The following UMAD1 variants were observed in gnomAD, a reference collection of about 807,000 sequenced individuals.
The protein encoded by UMAD1 is UBAP1-MVB12-associated (UMA)-domain containing protein 1.
In UMAD1, 8 loss-of-function variants were observed where a neutral mutation model predicts 6.1. That is an observed-to-expected ratio of 1.30 (90% confidence interval 0.76 to 2.35). The LOEUF (loss-of-function observed/expected upper bound fraction) is 2.35, where lower values mean the gene tolerates loss of function less well. Ranked by LOEUF, UMAD1 falls within the 30% of genes most tolerant of loss-of-function variation. The pLI, the probability that UMAD1 is intolerant of heterozygous loss-of-function variation, is 0.00. For synonymous variants in UMAD1, 56 were observed against 31.4 expected (o/e 1.78, Z -2.61); for missense variants, 130 against 78.4 (o/e 1.66, Z -2.49).
intron 2 of UMAD1, among the ~76,000 whole-genome samples, chr7:7,753,492 T>G (rs1037110929): frequency 1.3e-5 from 2 of 152,202 alleles, no homozygotes; most frequent in Non-Finnish European, 2.9e-5. Flanking sequence ...GTTTTGATTT[T>G]GAGATCCCAC....
chr7:7,723,642 A>C (rs2115185594), intron 2 of UMAD1, among the ~76,000 whole-genome samples: 2 of 152,296 alleles, frequency 1.3e-5, no homozygotes, highest in Middle Eastern at 6.8e-3. Context: ...AGAGCCCGAT[A>C]ATTGCTCTTC....
chr7:7,759,998 A>C (rs1781852610), intron 2 of UMAD1, among the ~76,000 whole-genome samples: 1 of 152,154 alleles, frequency 6.6e-6, no homozygotes, highest in Non-Finnish European at 1.5e-5. Flanking sequence ...TGACTGCCTC[A>C]GTCAATAGAA....
chr7:7,696,265 C>A (rs933519299), intron 2 of UMAD1, among the ~76,000 whole-genome samples: 1 of 150,818 alleles, frequency 6.6e-6, no homozygotes, highest in Non-Finnish European at 1.5e-5. Context: ...AAGACTCACT[C>A]TTTTAGCCAA....
At chr7:7,863,162 A>G (rs548907354) in intron 3 of UMAD1, among the ~76,000 whole-genome samples, 1 of 152,226 alleles carries the variant, frequency 6.6e-6, no homozygotes, top group African/African-American at 2.4e-5. Flanking sequence ...GACTTGGAGT[A>G]TGGGACAGGG....
At chr7:7,787,710 C>T (rs1204493289) in intron 2 of UMAD1, among the ~76,000 whole-genome samples, 1 of 152,130 alleles carries the variant, frequency 6.6e-6, no homozygotes, top group Non-Finnish European at 1.5e-5. Context: ...ACTATTGACT[C>T]CTTGCCCTGT....
chr7:7,767,728 T>C, intron 2 of UMAD1, among the ~76,000 whole-genome samples: 1 of 152,200 alleles, frequency 6.6e-6, no homozygotes, highest in East Asian at 1.9e-4. Flanking sequence ...AATAATTCTT[T>C]GAGGTAGATA....
chr7:7,822,114 C>CT (rs1283017847), intron 3 of UMAD1, among the ~76,000 whole-genome samples: 1 of 152,064 alleles, frequency 6.6e-6, no homozygotes, highest in African/African-American at 2.4e-5. Flanking sequence ...ATCAGCCTCT[C>CT]TTTTCCAGGG....
chr7:7,649,158 C>CAAAAAAAAAAAAAA (rs34943326), intron 1 of UMAD1, among the ~76,000 whole-genome samples: 2 of 128,872 alleles, frequency 1.6e-5, no homozygotes, highest in Non-Finnish European at 1.6e-5. Flanking sequence ...GACTCCATCT[C>CAAAAAAAAAAAAAA]AAAAAAAAAA....
At chr7:7,641,844 T>G (rs1784980608) in intron 1 of UMAD1, 1 of 152,212 alleles carries the variant, frequency 6.6e-6, no homozygotes, top group Admixed American at 6.5e-5. Context: ...AGACTTCACG[T>G]GGCAATTTAA....
intron 3 of UMAD1, among the ~76,000 whole-genome samples, chr7:7,803,202 G>A (rs190849824): frequency 4.7e-4 from 71 of 152,376 alleles, no homozygotes; most frequent in Middle Eastern, 3.4e-3. Flanking sequence ...GAGGCTGGGC[G>A]TAGTGGCCCA....
At chr7:7,689,614 G>A (rs1468959431) in intron 2 of UMAD1, among the ~76,000 whole-genome samples, 2 of 152,080 alleles carry the variant, frequency 1.3e-5, no homozygotes. Flanking sequence ...TGTTTTTCAT[G>A]CCCAGACTTC....
chr7:7,769,592 T>C (rs538360262), intron 2 of UMAD1, among the ~76,000 whole-genome samples: 1 of 152,210 alleles, frequency 6.6e-6, no homozygotes, highest in East Asian at 1.9e-4. Context: ...GTGGGCTGCC[T>C]ACCCAGGCCA....
At chr7:7,864,423 G>A (rs1435046442) in intron 3 of UMAD1, among the ~76,000 whole-genome samples, 1 of 151,748 alleles carries the variant, frequency 6.6e-6, no homozygotes, top group Non-Finnish European at 1.5e-5. Flanking sequence ...GGTGTGAGGG[G>A]GTACCCAGAG....
intron 2 of UMAD1, among the ~76,000 whole-genome samples, chr7:7,679,731 T>TATAC (rs1554313986): frequency 2.5e-4 from 34 of 135,908 alleles, no homozygotes; most frequent in East Asian, 6.3e-4. Context: ...TATATATATA[T>TATAC]ACACACACAC....
At chr7:7,795,349 G>A (rs551844843) in intron 2 of UMAD1, among the ~76,000 whole-genome samples, 11 of 152,226 alleles carry the variant, frequency 7.2e-5, no homozygotes, top group African/African-American at 2.7e-4. Context: ...CCAAGTGGGA[G>A]GATGTTTCTG....
chr7:7,643,481 C>G (rs1012716459), intron 1 of UMAD1, among the ~76,000 whole-genome samples: 6 of 152,294 alleles, frequency 3.9e-5, no homozygotes, highest in African/African-American at 1.4e-4. Flanking sequence ...GAGGCTGAAG[C>G]GGGTGGATCA....
At chr7:7,765,743 A>G (rs1016410238) in intron 2 of UMAD1, among the ~76,000 whole-genome samples, 1 of 152,192 alleles carries the variant, frequency 6.6e-6, no homozygotes. Context: ...TTGAGCTTCA[A>G]ACTCTCTGTT....
At chr7:7,710,095 G>C (rs1780715755) in intron 2 of UMAD1, among the ~76,000 whole-genome samples, 1 of 151,970 alleles carries the variant, frequency 6.6e-6, no homozygotes. Context: ...TCATGTATCT[G>C]GTCTCATCTA....
intron 2 of UMAD1, among the ~76,000 whole-genome samples, chr7:7,767,827 A>G (rs1307645776): frequency 6.6e-6 from 1 of 152,220 alleles, no homozygotes; most frequent in Non-Finnish European, 1.5e-5. Flanking sequence ...CAAGGCTGAG[A>G]TGAGATCCCA....
Sources: allele counts gnomAD v4.1 joint callset (sites outside exome capture counted in the v4.1 genomes callset), GRCh38; gene constraint gnomAD v4.1.1; transcripts MANE v1.5; gene names NCBI Gene and HGNC (gene_info 2026-07-23, HGNC 2026-07-21).